ZCCHC7: variants seen among roughly 807,000 people sequenced by gnomAD.
ZCCHC7 encodes the protein zinc finger CCHC-type containing 7.
A neutral mutation model predicts 52.0 loss-of-function variants in ZCCHC7; 35 were observed. The observed-to-expected ratio is 0.67, with a 90% confidence interval of 0.51 to 0.89. ZCCHC7 has a LOEUF of 0.89. Among genes scored for constraint, ZCCHC7 ranks in the 40% least tolerant of loss-of-function variants. The pLI is 0.00. For synonymous variants in ZCCHC7, 217 were observed against 221.5 expected (o/e 0.98, Z 0.18); for missense variants, 574 against 649.1 (o/e 0.88, Z 1.26).
chr9:37,336,303 T>C (rs533071773), intron 6 of ZCCHC7, among the ~76,000 whole-genome samples: 3 of 152,312 alleles, frequency 2.0e-5, no homozygotes, highest in South Asian at 2.1e-4. Context: ...ATGCAGTTTG[T>C]ATTCTTTCAA....
At chr9:37,229,654 C>G (rs1825303049) in intron 2 of ZCCHC7, among the ~76,000 whole-genome samples, 1 of 152,168 alleles carries the variant, frequency 6.6e-6, no homozygotes, top group Non-Finnish European at 1.5e-5. Context: ...AGAAGTTGCT[C>G]TGGTCAGGCA....
chr9:37,247,921 T>A (rs1221723449), intron 2 of ZCCHC7, among the ~76,000 whole-genome samples: 2 of 151,376 alleles, frequency 1.3e-5, no homozygotes, highest in East Asian at 1.9e-4. Context: ...AAAGTAAAAA[T>A]AATAATAATA....
intron 2 of ZCCHC7, among the ~76,000 whole-genome samples, chr9:37,160,656 CA>C (rs1202149597): frequency 6.6e-6 from 1 of 152,104 alleles, no homozygotes; most frequent in Non-Finnish European, 1.5e-5. Flanking sequence ...GGAGGCGAGG[CA>C]GGTGGATCAC....
chr9:37,241,449 CAT>C, intron 2 of ZCCHC7, among the ~76,000 whole-genome samples: 1 of 151,868 alleles, frequency 6.6e-6, no homozygotes, highest in Admixed American at 6.6e-5. Flanking sequence ...GAAGTTCTCT[CAT>C]ATTTCAGCTA....
chr9:37,251,751 A>G (rs1826339908), intron 2 of ZCCHC7, among the ~76,000 whole-genome samples: 2 of 152,186 alleles, frequency 1.3e-5, no homozygotes, highest in African/African-American at 4.8e-5. Flanking sequence ...AAAGCTGCCC[A>G]GTGAAAGCTA....
At chr9:37,258,713 G>A (rs374961605) in intron 2 of ZCCHC7, among the ~76,000 whole-genome samples, 60 of 131,010 alleles carry the variant, frequency 4.6e-4, no homozygotes, top group Admixed American at 1.4e-3. Context: ...GATTGTTCGT[G>A]CCACTGCACT....
intron 2 of ZCCHC7, among the ~76,000 whole-genome samples, chr9:37,132,057 G>A (rs989589592): frequency 2.6e-5 from 4 of 151,500 alleles, no homozygotes; most frequent in Admixed American, 1.3e-4. Context: ...ATGTTCTATC[G>A]TTTGTTTTCC....
chr9:37,168,087 T>C (rs993690115), intron 2 of ZCCHC7, among the ~76,000 whole-genome samples: 6 of 152,228 alleles, frequency 3.9e-5, no homozygotes, highest in African/African-American at 1.4e-4. Flanking sequence ...TCTCATCCCT[T>C]TCTGCTAAAC....
At chr9:37,144,578 A>C (rs1341960585) in intron 2 of ZCCHC7, among the ~76,000 whole-genome samples, 1 of 151,854 alleles carries the variant, frequency 6.6e-6, no homozygotes, top group Non-Finnish European at 1.5e-5. Flanking sequence ...ACTTTGTCTC[A>C]ATTTCAGTCT....
chr9:37,168,971 T>C (rs1019475562), intron 2 of ZCCHC7, among the ~76,000 whole-genome samples: 1 of 152,192 alleles, frequency 6.6e-6, no homozygotes, highest in African/African-American at 2.4e-5. Context: ...ATTTTAAAAG[T>C]TCCAGGACCC....
chr9:37,239,326 A>C (rs1420589323), intron 2 of ZCCHC7, among the ~76,000 whole-genome samples: 1 of 152,030 alleles, frequency 6.6e-6, no homozygotes, highest in Non-Finnish European at 1.5e-5. Flanking sequence ...TCATTGTTTA[A>C]TATTGATTTT....
chr9:37,235,706 C>A (rs1389193279), intron 2 of ZCCHC7, among the ~76,000 whole-genome samples: 1 of 151,762 alleles, frequency 6.6e-6, no homozygotes, highest in Non-Finnish European at 1.5e-5. Flanking sequence ...TCTCCTGCCT[C>A]AGCCTCCCGA....
At chr9:37,219,879 A>G (rs1824720743) in intron 2 of ZCCHC7, among the ~76,000 whole-genome samples, 2 of 152,268 alleles carry the variant, frequency 1.3e-5, no homozygotes, top group Admixed American at 6.5e-5. Context: ...GTCTCTGAAG[A>G]CTAGGCAGAA....
At chr9:37,269,489 C>T (rs834359) in intron 2 of ZCCHC7, among the ~76,000 whole-genome samples, 4,676 of 150,980 alleles carry the variant, frequency 0.031, 171 homozygotes, top group African/African-American at 0.078. Context: ...TGTTGCAGTG[C>T]GTGCCTATAG....
At chr9:37,259,383 C>T (rs1826754319) in intron 2 of ZCCHC7, among the ~76,000 whole-genome samples, 1 of 152,064 alleles carries the variant, frequency 6.6e-6, no homozygotes, top group Admixed American at 6.5e-5. Context: ...GCTCTTTTTT[C>T]TGCAAATTCA....
At chr9:37,216,529 C>A (rs972489505) in intron 2 of ZCCHC7, among the ~76,000 whole-genome samples, 12 of 152,084 alleles carry the variant, frequency 7.9e-5, no homozygotes, top group African/African-American at 2.9e-4. Flanking sequence ...ACAAAATTAG[C>A]TGGGCATGGT....
Position 37,354,634 on chromosome 9 carries a change from C to A in ZCCHC7, c.1084-76C>A. ...TGACATGGGGCTCATTTCTAATTAA[C>A]ATGCTCCAGAATCTTGCAAAAAGGT... On this transcript the variant is annotated intron_variant, in intron 7 of 8. Coordinates refer to ENST00000336755, the MANE Select transcript of ZCCHC7 (RefSeq NM_032226.3). This position sits in a 1 kb window ranked among gnomAD's most constrained non-coding sequence, Gnocchi z 4.0. 2 of 1,022,660 alleles carry A rather than the reference C, an allele frequency of 2.0e-6. No homozygotes were observed. Among genetic ancestry groups the A allele is most frequent in the Non-Finnish European group, 1.5e-6 (1 of 672,820 alleles). 63.3% of individuals were successfully genotyped at this position (1,022,660 alleles called of 1,614,324 possible).
chr9:37,307,420 A>G (rs899668335), intron 5 of ZCCHC7, among the ~76,000 whole-genome samples: 5 of 152,152 alleles, frequency 3.3e-5, no homozygotes, highest in African/African-American at 1.2e-4. Flanking sequence ...GCTAATCAGT[A>G]CAAAGTCATT....
chr9:37,320,211 G>A (rs571731522), intron 5 of ZCCHC7, among the ~76,000 whole-genome samples: 2 of 152,186 alleles, frequency 1.3e-5, no homozygotes, highest in Admixed American at 1.3e-4. Context: ...CTGAGTAGCT[G>A]GGATTACAGG....
Sources: gnomAD v4.1 joint callset for allele counts (sites outside exome capture counted in the v4.1 genomes callset) on GRCh38, gnomAD v4.1.1 for gene constraint, Gnocchi (gnomAD v3.1) non-coding constraint, MANE v1.5 for transcripts, NCBI Gene and HGNC (gene_info 2026-07-23, HGNC 2026-07-21) for gene names.